Variants in CD247 observed in about 807,000 individuals in gnomAD.
CD247 encodes the protein CD247 molecule, also known as T-cell surface glycoprotein CD3 zeta chain.
Under a neutral mutation model 30.0 loss-of-function variants are expected in CD247, and 13 were observed. That is an observed-to-expected ratio of 0.43 (90% CI 0.28 to 0.69). The LOEUF is 0.69. CD247 is among the 30% of genes least tolerant of loss of function. The pLI, the probability that CD247 is intolerant of heterozygous loss-of-function variation, is 0.16. For missense variants in CD247, 193 were observed against 212.6 expected, an observed-to-expected ratio of 0.91 and a Z score of 0.57; for synonymous variants, 72 against 80.0, an observed-to-expected ratio of 0.90 and a Z score of 0.53.
intron 1 of CD247, among the ~76,000 whole-genome samples, chr1:167,506,823 G>T (rs1655156751): frequency 1.3e-5 from 2 of 150,586 alleles, no homozygotes; most frequent in Admixed American, 6.6e-5. Flanking sequence ...TGAATTTTTA[G>T]ATTGCATTTT....
chr1:167,501,464 T>C (rs902727893), intron 1 of CD247, among the ~76,000 whole-genome samples: 3 of 152,208 alleles, frequency 2.0e-5, no homozygotes, highest in African/African-American at 7.2e-5. Context: ...ATCTGTTTTG[T>C]AAACAAGCAG....
At chr1:167,475,540 A>G (rs1325834193) in intron 1 of CD247, among the ~76,000 whole-genome samples, 7 of 152,342 alleles carry the variant, frequency 4.6e-5, no homozygotes, top group African/African-American at 1.7e-4. Flanking sequence ...CTAGGCAATG[A>G]TTATCAGTGG....
At chr1:167,463,861 G>A (rs974690985) in intron 1 of CD247, among the ~76,000 whole-genome samples, 7 of 152,156 alleles carry the variant, frequency 4.6e-5, no homozygotes, top group Admixed American at 2.6e-4. Context: ...CGTGTCCTAC[G>A]AATTTACAGG....
chr1:167,448,624 G>GAGT, intron 1 of CD247: 1 of 719,142 alleles, frequency 1.4e-6, no homozygotes, highest in Non-Finnish European at 1.7e-6. Flanking sequence ...TAATTTACTG[G>GAGT]CAACATATAA....
intron 4 of CD247, 54 bp downstream of exon 4, chr1:167,438,516 G>A: frequency 7.1e-7 from 1 of 1,413,222 alleles, no homozygotes; most frequent in East Asian, 2.3e-5. Flanking sequence ...CCACAGCCTG[G>A]GCTGAGCCCC....
At chr1:167,498,924 A>G (rs1026812487) in intron 1 of CD247, among the ~76,000 whole-genome samples, 1 of 152,182 alleles carries the variant, frequency 6.6e-6, no homozygotes, top group Non-Finnish European at 1.5e-5. Flanking sequence ...CTTGGGAAGA[A>G]CCATCCCAAA....
At chr1:167,461,752 G>A (rs545658647) in intron 1 of CD247, among the ~76,000 whole-genome samples, 46 of 152,242 alleles carry the variant, frequency 3.0e-4, no homozygotes, top group Non-Finnish European at 5.0e-4. Context: ...GGAGGCTGAG[G>A]CAGGAGAATC....
intron 1 of CD247, among the ~76,000 whole-genome samples, chr1:167,470,013 A>C (rs1653435658): frequency 1.3e-5 from 2 of 152,096 alleles, no homozygotes; most frequent in South Asian, 4.1e-4. Flanking sequence ...TCCCAGGCTC[A>C]AGTGATTCTC....
rs1571502526 is a variant in CD247 at position 167,431,212 on chromosome 1, C to T, written c.*469G>A. On this transcript the variant is annotated 3_prime_UTR_variant, in exon 8 of 8. Transcript: ENST00000362089. ...CTCTCACCAGGGAGGCACAACATGG[C>T]CCAGTACAGTTACCTTGAAAGGAGG... The T allele has an allele frequency of 2.1e-6, 1 of 486,322 alleles. No homozygotes were observed. Among genetic ancestry groups the T allele is most frequent in the Non-Finnish European group, 3.6e-6 (1 of 278,298 alleles). The allele number at this position is 486,322 out of a possible 1,614,324, so 30.1% of individuals were successfully genotyped here.
In CD247 at chr1:167,439,365, C is replaced by G. The variant is rs761710510; in HGVS notation, c.198G>C (p.Gln66His). 24 of 1,614,078 alleles carry G rather than the reference C, an allele frequency of 1.5e-5. No homozygotes were observed. Among genetic ancestry groups the G allele is most frequent in the South Asian group, 4.4e-5 (4 of 91,092 alleles). The part of the protein sequence containing the change: ...SRSADAPAYQ[Q>H]GQNQLYNELN... ...TTACGTTATAGAGCTGGTTCTGGCC[C>G]TGCTGGTACGCGGGGGCGTCTGCGC... is the stretch of plus-strand genomic sequence containing the variant. The change falls in exon 3 of 8, where the codon CAG becomes CAC. Residue 66 changes from glutamine to histidine, a missense_variant. By Grantham distance (24) the Gln-to-His change is conservative. Transcript: ENST00000362089.
chr1:167,457,247 G>A (rs1271280127), intron 1 of CD247: 1 of 151,286 alleles, frequency 6.6e-6, no homozygotes, highest in African/African-American at 2.4e-5. Flanking sequence ...GACTCTAAGT[G>A]GTTTGCTCAG....
intron 1 of CD247, among the ~76,000 whole-genome samples, chr1:167,505,392 T>C (rs370378083): frequency 6.6e-6 from 1 of 152,362 alleles, no homozygotes; most frequent in East Asian, 1.9e-4. Context: ...AACATCTTTA[T>C]AGACTAAAAG....
intron 1 of CD247, among the ~76,000 whole-genome samples, chr1:167,443,604 A>G (rs1409618068): frequency 6.6e-6 from 1 of 152,234 alleles, no homozygotes; most frequent in Non-Finnish European, 1.5e-5. Context: ...ATTACTGGAC[A>G]GTAAATTTAG....
chr1:167,490,150 G>A (rs1654383668), intron 1 of CD247, among the ~76,000 whole-genome samples: 2 of 152,128 alleles, frequency 1.3e-5, no homozygotes, highest in African/African-American at 2.4e-5. Context: ...CGGGACCTAC[G>A]GCGGCGGAAA....
chr1:167,515,968 C>T (rs1258194475), intron 1 of CD247, among the ~76,000 whole-genome samples: 1 of 152,216 alleles, frequency 6.6e-6, no homozygotes, highest in African/African-American at 2.4e-5. Context: ...ACAAGTCTTT[C>T]TTTAGAGGTG....
chr1:167,434,761 G>A (rs929825432), intron 5 of CD247: 2 of 454,512 alleles, frequency 4.4e-6, no homozygotes, highest in African/African-American at 4.0e-5. Context: ...AGGGAAGGGA[G>A]ATTACTCGGC....
intron 1 of CD247, among the ~76,000 whole-genome samples, chr1:167,463,529 T>A (rs1345350539): frequency 6.6e-6 from 1 of 152,230 alleles, no homozygotes; most frequent in Non-Finnish European, 1.5e-5. Context: ...ATGGAGTTAG[T>A]CTGCTGGGAT....
chr1:167,497,928 A>G (rs1430572079), intron 1 of CD247, among the ~76,000 whole-genome samples: 2 of 152,196 alleles, frequency 1.3e-5, no homozygotes, highest in African/African-American at 4.8e-5. Context: ...GAGAAGAAAA[A>G]AGATGCCAAA....
At chr1:167,500,468 C>A (rs558479309) in intron 1 of CD247, among the ~76,000 whole-genome samples, 2 of 152,174 alleles carry the variant, frequency 1.3e-5, no homozygotes, top group Admixed American at 1.3e-4. Context: ...TTACAACCAG[C>A]GCTTCTGGTA....
Sources: gnomAD v4.1 joint callset for allele counts (sites outside exome capture counted in the v4.1 genomes callset) on GRCh38, gnomAD v4.1.1 for gene constraint, MANE v1.5 for transcripts, NCBI Gene and HGNC (gene_info 2026-07-23, HGNC 2026-07-21) for gene names.